Variants in TSPAN9 observed in about 807,000 individuals in gnomAD.
TSPAN9 encodes the protein tetraspanin-9.
Under a neutral mutation model 31.0 loss-of-function variants are expected in TSPAN9, and 16 were observed. The observed-to-expected ratio is 0.52, with a 90% CI of 0.35 to 0.78. TSPAN9 has a LOEUF of 0.78. Ranked by LOEUF, TSPAN9 falls within the 30% of genes least tolerant of loss-of-function variation. TSPAN9 has a pLI of 0.01. For missense variants in TSPAN9, 272 were observed against 312.5 expected (o/e 0.87, Z 0.98); for synonymous variants, 145 against 121.6 (o/e 1.19, Z -1.27).
At chr12:3,233,887 C>G (rs1054765366) in intron 3 of TSPAN9, among the ~76,000 whole-genome samples, 7 of 152,170 alleles carry the variant, frequency 4.6e-5, no homozygotes, top group African/African-American at 1.4e-4. Flanking sequence ...CTGTCCTAGC[C>G]TGAGTAGCAG....
At position 3,283,119 on chromosome 12, in the gene TSPAN9, G is replaced by C; in HGVS notation, c.*3G>C. 3 of 1,607,452 alleles carry C rather than the reference G, an allele frequency of 1.9e-6. No homozygotes were observed. Among genetic ancestry groups the C allele is most frequent in the African/African-American group, 1.3e-5 (1 of 75,052 alleles). ...CTGGTAAGAAGTACGACGCATGAGC[G>C]GGCTGGCCGGGAGTGCCCACCCCGC... On this transcript the variant is annotated 3_prime_UTR_variant, in exon 9 of 9. Coordinates refer to ENST00000011898, the MANE Select transcript of TSPAN9 (RefSeq NM_006675.5).
intron 2 of TSPAN9, among the ~76,000 whole-genome samples, chr12:3,120,045 G>A (rs1015845213): frequency 2.6e-5 from 4 of 152,166 alleles, no homozygotes; most frequent in East Asian, 1.9e-4. Flanking sequence ...CAGCAGTTCC[G>A]CGGTTTCAGA....
At chr12:3,228,445 G>A (rs370431370) in intron 3 of TSPAN9, among the ~76,000 whole-genome samples, 1 of 152,228 alleles carries the variant, frequency 6.6e-6, no homozygotes, top group South Asian at 2.1e-4. Context: ...AATCTCAGAG[G>A]TGTTGGGGGA....
At chr12:3,273,810 C>T (rs1190949431) in intron 3 of TSPAN9, among the ~76,000 whole-genome samples, 1 of 152,222 alleles carries the variant, frequency 6.6e-6, no homozygotes, top group East Asian at 1.9e-4. Flanking sequence ...CCTGGCTCAC[C>T]AAGACTTCAT....
chr12:3,197,472 A>G (rs749773257), intron 2 of TSPAN9, among the ~76,000 whole-genome samples: 13 of 152,130 alleles, frequency 8.5e-5, no homozygotes, highest in Non-Finnish European at 1.8e-4. Context: ...TGTAATACAC[A>G]CTAGGTTTTA....
intron 3 of TSPAN9, among the ~76,000 whole-genome samples, chr12:3,237,041 G>A (rs181167615): frequency 6.3e-4 from 96 of 152,324 alleles, no homozygotes; most frequent in Middle Eastern, 3.4e-3. Context: ...TGTGGGAGGG[G>A]CCATTGCTTT....
intron 3 of TSPAN9, among the ~76,000 whole-genome samples, chr12:3,266,403 G>T (rs758864912): frequency 2.0e-5 from 3 of 152,166 alleles, no homozygotes; most frequent in Non-Finnish European, 4.4e-5. Flanking sequence ...ACTGGTGCAC[G>T]ATCGGCACTC....
At chr12:3,197,208 A>G (rs2098367488) in intron 2 of TSPAN9, among the ~76,000 whole-genome samples, 1 of 152,240 alleles carries the variant, frequency 6.6e-6, no homozygotes, top group Non-Finnish European at 1.5e-5. Flanking sequence ...AGTGAAAAAC[A>G]GGTCTCTTGA....
chr12:3,218,119 G>A (rs963612476), intron 3 of TSPAN9, among the ~76,000 whole-genome samples: 3 of 152,148 alleles, frequency 2.0e-5, no homozygotes, highest in Non-Finnish European at 4.4e-5. Context: ...GATTTTGGGT[G>A]TGCATGCCTG....
chr12:3,268,852 GCA>G (rs1219642582), intron 3 of TSPAN9, among the ~76,000 whole-genome samples: 6 of 112,340 alleles, frequency 5.3e-5, no homozygotes, highest in African/African-American at 6.7e-5. Context: ...TGCCCTCCGT[GCA>G]TTCCTGCAGC....
At chr12:3,278,306 G>C (rs1862828331) in intron 3 of TSPAN9, 115 bp from the exon 4 acceptor site, 2 of 1,441,428 alleles carry the variant, frequency 1.4e-6, no homozygotes, top group Non-Finnish European at 1.9e-6. Flanking sequence ...TTCTCACCTT[G>C]TCGGTTCTCA....
chr12:3,154,641 A>C (rs1325997106), intron 2 of TSPAN9, among the ~76,000 whole-genome samples: 3 of 152,210 alleles, frequency 2.0e-5, no homozygotes, highest in South Asian at 4.1e-4. Context: ...GTTTTGCAGC[A>C]GGTTGACCAG....
At chr12:3,121,407 C>T (rs932640238) in intron 2 of TSPAN9, among the ~76,000 whole-genome samples, 5 of 139,624 alleles carry the variant, frequency 3.6e-5, no homozygotes, top group African/African-American at 1.4e-4. Context: ...TTGCCCAGGC[C>T]AGAGTGCAGT....
rs1565639676 is a variant in TSPAN9 at position 3,268,815 on chromosome 12, ACCTGCCCTCCGTGCATTCCTGCAG to A, written c.64-9572_64-9549del. Among the ~76,000 whole-genome samples, 7 of 16,424 alleles carry A rather than the reference ACCTGCCCTCCGTGCATTCCTGCAG, an allele frequency of 4.3e-4. 1 individual carries two copies. Among genetic ancestry groups the A allele is most frequent in the Non-Finnish European group, 7.1e-4 (5 of 7,000 alleles). 10.8% of individuals were successfully genotyped at this position (16,424 alleles called of 152,430 possible). A position where few individuals can be genotyped will look rare whatever the true frequency, so the allele number is the denominator to read the frequency against. ...AGCCTGCCCTCTCTGTGTTCCTGCA[ACCTGCCCTCCGTGCATTCCTGCAG>A]CCTGCCCTCCGTGCATTCCTGCAGC... is the stretch of plus-strand genomic sequence containing the variant. On this transcript the variant is annotated intron_variant, in intron 3 of 8. Transcript: ENST00000011898.
intron 3 of TSPAN9, among the ~76,000 whole-genome samples, chr12:3,231,244 G>A (rs1377631794): frequency 2.0e-5 from 3 of 152,156 alleles, no homozygotes; most frequent in Non-Finnish European, 2.9e-5. Flanking sequence ...GGGAAGCGGG[G>A]CAGTCCCAAG....
At chr12:3,101,495 A>G (rs1349566512) in intron 2 of TSPAN9, among the ~76,000 whole-genome samples, 2 of 152,120 alleles carry the variant, frequency 1.3e-5, no homozygotes, top group East Asian at 3.9e-4. Flanking sequence ...TCTGAGCCCC[A>G]TGATTCATCC....
At chr12:3,162,436 A>G (rs973124250) in intron 2 of TSPAN9, among the ~76,000 whole-genome samples, 1 of 152,156 alleles carries the variant, frequency 6.6e-6, no homozygotes, top group African/African-American at 2.4e-5. Context: ...GGCTTACATC[A>G]TAGCAGGGGA....
At chr12:3,090,028 C>G (rs2098303419) in intron 2 of TSPAN9, among the ~76,000 whole-genome samples, 1 of 152,162 alleles carries the variant, frequency 6.6e-6, no homozygotes, top group Non-Finnish European at 1.5e-5. Context: ...CCTAATCCTA[C>G]CCATCAGAGA....
At chr12:3,100,057 G>A (rs1160817360) in intron 2 of TSPAN9, among the ~76,000 whole-genome samples, 1 of 152,030 alleles carries the variant, frequency 6.6e-6, no homozygotes, top group East Asian at 1.9e-4. Context: ...TAGCCGGGAT[G>A]GTCTCGATCT....
Sources: gnomAD v4.1 joint callset for allele counts (sites outside exome capture counted in the v4.1 genomes callset) on GRCh38, gnomAD v4.1.1 for gene constraint, MANE v1.5 for transcripts, NCBI Gene and HGNC (gene_info 2026-07-23, HGNC 2026-07-21) for gene names.